The following RIT2 variants were observed in gnomAD, a reference collection of about 807,000 sequenced individuals.
RIT2 encodes Ras like without CAAX 2, also known as GTP-binding protein Rit2.
A neutral mutation model predicts 23.7 loss-of-function variants in RIT2; 24 were observed. The observed-to-expected ratio is 1.01, with a 90% confidence interval of 0.73 to 1.43. The LOEUF (loss-of-function observed/expected upper bound fraction) is 1.43. RIT2 is among the 40% of genes most tolerant of loss of function. The pLI is 0.00. For synonymous variants in RIT2, 107 were observed against 91.1 expected (o/e 1.17, Z -0.99); for missense variants, 236 against 266.9 (o/e 0.88, Z 0.81).
intron 4 of RIT2, among the ~76,000 whole-genome samples, chr18:42,782,731 T>C (rs554720544): frequency 4.3e-4 from 65 of 152,272 alleles, no homozygotes; most frequent in Non-Finnish European, 7.2e-4. Flanking sequence ...TTAGTAATTA[T>C]GGTTTTAAGC....
intron 2 of RIT2, among the ~76,000 whole-genome samples, chr18:43,012,760 T>A (rs1340158820): frequency 1.3e-5 from 2 of 151,694 alleles, no homozygotes; most frequent in African/African-American, 4.8e-5. Flanking sequence ...ACATATATTA[T>A]CTAAATCAGT....
intron 2 of RIT2, among the ~76,000 whole-genome samples, chr18:42,996,024 T>C (rs1910975497): frequency 2.0e-5 from 3 of 152,210 alleles, no homozygotes; most frequent in Admixed American, 2.0e-4. Context: ...GGTAGGACAA[T>C]GCTGAATCTC....
At chr18:42,954,912 CTG>C (rs1254775287) in intron 3 of RIT2, among the ~76,000 whole-genome samples, 1 of 152,110 alleles carries the variant, frequency 6.6e-6, no homozygotes, top group Non-Finnish European at 1.5e-5. Flanking sequence ...GTCACAATAA[CTG>C]AGAAAGCAAT....
chr18:43,078,241 T>C (rs1461349083), intron 1 of RIT2, among the ~76,000 whole-genome samples: 9 of 152,182 alleles, frequency 5.9e-5, no homozygotes, highest in African/African-American at 1.7e-4. Context: ...ACAATTCCTC[T>C]ATCCACATCT....
At chr18:42,946,557 G>A (rs546834791) in intron 3 of RIT2, among the ~76,000 whole-genome samples, 2 of 152,026 alleles carry the variant, frequency 1.3e-5, no homozygotes, top group African/African-American at 2.4e-5. Flanking sequence ...AAGGGGTAAG[G>A]AGTAATTTCT....
At chr18:43,112,824 T>C (rs1198579863) in intron 1 of RIT2, among the ~76,000 whole-genome samples, 1 of 152,040 alleles carries the variant, frequency 6.6e-6, no homozygotes, top group Admixed American at 6.5e-5. Context: ...ATAAATTTAG[T>C]TTTTAATTCA....
intron 4 of RIT2, among the ~76,000 whole-genome samples, chr18:42,828,003 C>CAAAAAAAAAAAAAAAAAAA (rs200737336): frequency 1.9e-5 from 1 of 51,744 alleles, no homozygotes; most frequent in Non-Finnish European, 4.0e-5. Flanking sequence ...GACTCCGTCT[C>CAAAAAAAAAAAAAAAAAAA]AAAAAAAAAA....
intron 4 of RIT2, among the ~76,000 whole-genome samples, chr18:42,777,731 G>T (rs1483137274): frequency 6.6e-6 from 1 of 152,060 alleles, no homozygotes; most frequent in Non-Finnish European, 1.5e-5. Context: ...GGAAGCTACT[G>T]TTACCAAAAA....
intron 2 of RIT2, among the ~76,000 whole-genome samples, chr18:43,024,300 C>T (rs1315033874): frequency 1.3e-5 from 2 of 152,008 alleles, no homozygotes; most frequent in Admixed American, 6.6e-5. Flanking sequence ...AAAACATACA[C>T]TGGAGAAAGG....
chr18:43,111,086 G>T (rs923773053), intron 1 of RIT2, among the ~76,000 whole-genome samples: 2 of 152,030 alleles, frequency 1.3e-5, no homozygotes, highest in African/African-American at 4.8e-5. Flanking sequence ...AATAAATGTG[G>T]TATATATACA....
chr18:42,941,397 G>C (rs1240815825), intron 3 of RIT2, among the ~76,000 whole-genome samples: 2 of 151,782 alleles, frequency 1.3e-5, no homozygotes, highest in Non-Finnish European at 2.9e-5. Flanking sequence ...TTCTGAGTTA[G>C]AGCATCAAAA....
At chr18:42,893,212 C>T (rs190917842) in intron 4 of RIT2, among the ~76,000 whole-genome samples, 1 of 111,624 alleles carries the variant, frequency 9.0e-6, no homozygotes, top group East Asian at 2.6e-4. Flanking sequence ...GGAAACAGAG[C>T]GAGACTCCGT....
chr18:43,108,124 G>C (rs1301549120), intron 1 of RIT2, among the ~76,000 whole-genome samples: 1 of 150,810 alleles, frequency 6.6e-6, no homozygotes, highest in Non-Finnish European at 1.5e-5. Flanking sequence ...GCAGTGAGCC[G>C]AGATTGCACC....
chr18:42,994,601 C>A (rs1910934134), intron 2 of RIT2, among the ~76,000 whole-genome samples: 1 of 152,120 alleles, frequency 6.6e-6, no homozygotes, highest in African/African-American at 2.4e-5. Context: ...CTCATCCCAA[C>A]CCTTTTCATT....
intron 3 of RIT2, among the ~76,000 whole-genome samples, chr18:42,972,336 A>G (rs967687607): frequency 6.6e-6 from 1 of 151,978 alleles, no homozygotes; most frequent in Non-Finnish European, 1.5e-5. Flanking sequence ...CTGTTAATAT[A>G]TAGATTTCAA....
At chr18:42,805,527 TA>T (rs1029022126) in intron 4 of RIT2, among the ~76,000 whole-genome samples, 1 of 152,224 alleles carries the variant, frequency 6.6e-6, no homozygotes, top group African/African-American at 2.4e-5. Context: ...AAATGTCATA[TA>T]TTATATTACA....
At chr18:42,916,342 T>C (rs998809712) in intron 4 of RIT2, among the ~76,000 whole-genome samples, 1 of 152,116 alleles carries the variant, frequency 6.6e-6, no homozygotes, top group Non-Finnish European at 1.5e-5. Flanking sequence ...TATGTGTCTG[T>C]TGTCTATCTC....
chr18:42,969,533 G>C (rs1910313480), intron 3 of RIT2, among the ~76,000 whole-genome samples: 2 of 151,970 alleles, frequency 1.3e-5, no homozygotes, highest in Admixed American at 1.3e-4. Context: ...GGACTTGCTT[G>C]ACTGCAGAGT....
intron 2 of RIT2, among the ~76,000 whole-genome samples, chr18:43,003,710 C>T (rs1911160341): frequency 6.7e-6 from 1 of 149,998 alleles, no homozygotes; most frequent in Non-Finnish European, 1.5e-5. Flanking sequence ...TTTCTGATGC[C>T]AGAAATTTGG....
Sources: allele counts gnomAD v4.1 joint callset (sites outside exome capture counted in the v4.1 genomes callset), GRCh38; gene constraint gnomAD v4.1.1; transcripts MANE v1.5; gene names NCBI Gene and HGNC (gene_info 2026-07-23, HGNC 2026-07-21).